Variants in DACH2 observed in about 807,000 individuals in gnomAD.
DACH2 encodes the protein dachshund homolog 2.
A neutral mutation model predicts 35.8 loss-of-function variants in DACH2; 17 were observed. The ratio of observed to expected loss-of-function variants is 0.48; its 90% CI spans 0.33 to 0.71. The LOEUF is 0.71. DACH2 is among the 30% of genes least tolerant of loss of function. DACH2 has a pLI of 0.02. For missense variants in DACH2, 469 were observed against 472.7 expected (o/e 0.99, Z 0.07); for synonymous variants, 195 against 177.3 (o/e 1.10, Z -0.79).
chrX:86,749,445 G>T (rs1249241102), intron 7 of DACH2, among the ~76,000 whole-genome samples: 1 of 111,369 alleles, frequency 9.0e-6, no homozygotes, highest in Non-Finnish European at 1.9e-5. Flanking sequence ...CAATATTGTT[G>T]TATCTCAGGG....
At chrX:86,432,332 T>C (rs1310352956) in intron 2 of DACH2, among the ~76,000 whole-genome samples, 1 of 112,379 alleles carries the variant, frequency 8.9e-6, no homozygotes, top group Non-Finnish European at 1.9e-5. Context: ...GCTACTGTTT[T>C]AAACAAATTG....
intron 2 of DACH2, among the ~76,000 whole-genome samples, chrX:86,428,549 T>A (rs1027321718): frequency 9.8e-5 from 11 of 112,090 alleles, no homozygotes; most frequent in African/African-American, 3.2e-4. Context: ...ACAAATAGAA[T>A]TCCTGCAGAC....
At chrX:86,600,298 AT>A (rs995106294) in intron 3 of DACH2, among the ~76,000 whole-genome samples, 3 of 111,873 alleles carry the variant, frequency 2.7e-5, no homozygotes, top group Non-Finnish European at 5.6e-5. Context: ...ACCAATTATG[AT>A]TTTTTCCCCT....
At position 86,738,078 on chromosome X, in the gene DACH2, C is replaced by G. The variant is rs779344689; in HGVS notation, c.1105-1669C>G. Among the ~76,000 whole-genome samples, 5 of 111,622 alleles carry G rather than the reference C, an allele frequency of 4.5e-5. No individual in the cohort carries two copies. The South Asian group carries it at 1.9e-3, about 42-fold the overall frequency. ...ACCCTTCTTTTCTGCCTGTGTCTTC[C>G]ACAGTTTAGAATCCTGGTGATCAGA... On this transcript the variant is annotated intron_variant, in intron 6 of 11. Transcript: ENST00000373125.
At chrX:86,825,678 C>G (rs767742668) in intron 11 of DACH2, among the ~76,000 whole-genome samples, 13 of 111,631 alleles carry the variant, frequency 1.2e-4, no homozygotes, top group Non-Finnish European at 2.4e-4. Context: ...CTCTCCCTTT[C>G]TCTCTCTTCT....
intron 4 of DACH2, among the ~76,000 whole-genome samples, chrX:86,664,482 C>T (rs2040643743): frequency 9.0e-6 from 1 of 111,315 alleles, no homozygotes; most frequent in Non-Finnish European, 1.9e-5. Flanking sequence ...CTATACCTGC[C>T]ATGGAGTTTT....
intron 2 of DACH2, among the ~76,000 whole-genome samples, chrX:86,445,524 G>GA (rs1425777249): frequency 2.5e-4 from 2 of 8,035 alleles, no homozygotes; most frequent in Non-Finnish European, 4.3e-4. Context: ...TAAAAAAAAA[G>GA]AAAAAAAAGA....
intron 1 of DACH2, among the ~76,000 whole-genome samples, chrX:86,284,714 G>T (rs2034111009): frequency 9.0e-6 from 1 of 111,379 alleles, no homozygotes; most frequent in Non-Finnish European, 1.9e-5. Context: ...GAATTCAACA[G>T]GAAGTTGTTG....
intron 3 of DACH2, among the ~76,000 whole-genome samples, chrX:86,524,642 A>T (rs2038605526): frequency 8.9e-6 from 1 of 111,814 alleles, no homozygotes; most frequent in South Asian, 3.7e-4. Flanking sequence ...CCAAACACAA[A>T]TTTTTGTTTT....
chrX:86,299,715 C>A (rs974080989), intron 1 of DACH2, among the ~76,000 whole-genome samples: 3 of 111,124 alleles, frequency 2.7e-5, no homozygotes, highest in Non-Finnish European at 5.7e-5. Context: ...AATGAAGAAG[C>A]AAAAATTTTC....
At chrX:86,601,630 A>G (rs954943519) in intron 3 of DACH2, among the ~76,000 whole-genome samples, 3 of 112,215 alleles carry the variant, frequency 2.7e-5, no homozygotes, top group Non-Finnish European at 3.8e-5. Flanking sequence ...TGAAAACACA[A>G]ATATAACTGC....
Position 86,305,732 on chromosome X carries a change from GA to G in DACH2, c.489-71082del, listed in dbSNP as rs764886224. On this transcript the variant is annotated intron_variant, in intron 1 of 11. Coordinates refer to ENST00000373125, the MANE Select transcript of DACH2 (RefSeq NM_053281.3). ...AACAAAATCGAACAACTCGATAGCA[GA>G]AAAAAAAAACACCCTAAATAATCTG... Among the ~76,000 whole-genome samples, 620 of 102,897 alleles carry G rather than the reference GA, an allele frequency of 6.0e-3. 1 individual carries two copies. Among genetic ancestry groups the G allele is most frequent in the Middle Eastern group, 0.025 (5 of 200 alleles). 89.4% of individuals were successfully genotyped at this position (102,897 alleles called of 115,157 possible).
intron 7 of DACH2, among the ~76,000 whole-genome samples, chrX:86,780,302 A>G (rs141378779): frequency 0.031 from 3,418 of 111,337 alleles, 127 homozygotes; most frequent in African/African-American, 0.1. Context: ...CTTACCTCAA[A>G]ACAACCACAC....
At position 86,311,141 on chromosome X, in the gene DACH2, A is replaced by C. The variant is rs1418023685; in HGVS notation, c.489-65683A>C. On this transcript the variant is annotated intron_variant, in intron 1 of 11. Coordinates refer to ENST00000373125, the MANE Select transcript of DACH2 (RefSeq NM_053281.3). ...TTAATTATATTGGACCTCTTCCATC[A>C]TGGAAAGAACAAAGGTTTGCCCCCA... 2.7e-5 allele frequency among the ~76,000 whole-genome samples: 3 copies of C among 112,033 alleles called. No individual in the cohort carries two copies. In the East Asian group the frequency reaches 8.5e-4, roughly 32 times the overall value.
chrX:86,667,083 T>C (rs1480344464), intron 4 of DACH2, among the ~76,000 whole-genome samples: 1 of 55,746 alleles, frequency 1.8e-5, no homozygotes, highest in Non-Finnish European at 3.0e-5. Flanking sequence ...CCATCTCTAC[T>C]AAAAAAAAAA....
At chrX:86,694,136 T>C (rs978016619) in intron 4 of DACH2, among the ~76,000 whole-genome samples, 52 of 111,994 alleles carry the variant, frequency 4.6e-4, no homozygotes, top group African/African-American at 1.6e-3. Context: ...AGCATGGGAA[T>C]GGAGGCAGAA....
intron 2 of DACH2, among the ~76,000 whole-genome samples, chrX:86,405,830 C>T (rs1047063862): frequency 2.7e-5 from 3 of 111,809 alleles, no homozygotes; most frequent in Non-Finnish European, 5.6e-5. Flanking sequence ...AATTGATTCA[C>T]AGTTCCAGAG....
chrX:86,231,575 G>T (rs1025512684), intron 1 of DACH2, among the ~76,000 whole-genome samples: 1 of 111,260 alleles, frequency 9.0e-6, no homozygotes, highest in Non-Finnish European at 1.9e-5. Flanking sequence ...CCGAAGGCCT[G>T]GTCTCACTCC....
At chrX:86,203,017 C>T (rs1004294695) in intron 1 of DACH2, among the ~76,000 whole-genome samples, 4 of 110,588 alleles carry the variant, frequency 3.6e-5, no homozygotes, top group Non-Finnish European at 7.6e-5. Flanking sequence ...GCTGCCATTC[C>T]AGTAACATTT....
Sources: gnomAD v4.1 joint callset for allele counts (sites outside exome capture counted in the v4.1 genomes callset) on GRCh38, gnomAD v4.1.1 for gene constraint, MANE v1.5 for transcripts, NCBI Gene and HGNC (gene_info 2026-07-23, HGNC 2026-07-21) for gene names.